Variants in HERC2 observed in about 807,000 individuals in gnomAD.
The protein encoded by HERC2 is HECT and RLD domain containing E3 ubiquitin protein ligase 2.
A neutral mutation model predicts 537.7 loss-of-function variants in HERC2; 102 were observed. The observed-to-expected ratio is 0.19, with a 90% CI of 0.16 to 0.22. The LOEUF (loss-of-function observed/expected upper bound fraction) is 0.22. Ranked by LOEUF, HERC2 falls within the 10% of genes least tolerant of loss-of-function variation. The probability of loss-of-function intolerance (pLI) is 1.00; values close to 1 mark genes in which losing one functional copy is unlikely to be tolerated. For synonymous variants in HERC2, 2,224 were observed against 2,466.2 expected (o/e 0.90, Z 2.91); for missense variants, 4,236 against 6,198.2 (o/e 0.68, Z 10.63).
intron 37 of HERC2, 64 bp downstream of exon 37, chr15:28,220,388 T>C: frequency 1.4e-6 from 2 of 1,430,840 alleles, no homozygotes; most frequent in Non-Finnish European, 2.0e-6. Context: ...ATGACAGTGG[T>C]GGCAGCCAGC....
chr15:28,319,526 A>T (rs1433469539), intron 2 of HERC2, among the ~76,000 whole-genome samples: 1 of 145,918 alleles, frequency 6.9e-6, no homozygotes, highest in African/African-American at 2.6e-5. Context: ...CGGAAGTTGC[A>T]GTGAGCCAAG....
At position 28,229,079 on chromosome 15, in the gene HERC2, C is replaced by A; in HGVS notation, c.5272+116G>T. The A allele has an allele frequency of 3.0e-6, 3 of 984,702 alleles. No homozygotes were observed. The South Asian group carries it at 4.0e-5, about 13-fold the overall frequency. 61.0% of individuals were successfully genotyped at this position (984,702 alleles called of 1,614,324 possible). A position where few individuals can be genotyped will look rare whatever the true frequency, so the allele number is the denominator to read the frequency against. On this transcript the variant is annotated intron_variant, in intron 34 of 92. Coordinates refer to ENST00000261609, the MANE Select transcript of HERC2 (RefSeq NM_004667.6). Reference sequence around the variant, plus strand: ...GACAGCAGCATAGATTATACAAGTACAAAGTACAAACTTTAATTAAAATCT... The same window carrying A: ...GACAGCAGCATAGATTATACAAGTAAAAAGTACAAACTTTAATTAAAATCT...
At chr15:28,319,737 T>C (rs1452377528) in intron 2 of HERC2, among the ~76,000 whole-genome samples, 1 of 151,968 alleles carries the variant, frequency 6.6e-6, no homozygotes, top group South Asian at 2.1e-4. Context: ...CAACCCATCA[T>C]AGGAACTCAA....
intron 83 of HERC2, among the ~76,000 whole-genome samples, chr15:28,129,502 G>A (rs1214355640): frequency 6.6e-6 from 1 of 152,254 alleles, no homozygotes; most frequent in Non-Finnish European, 1.5e-5. Context: ...CATGTCGCTT[G>A]TACAGACAGT....
chr15:28,135,344 G>T, intron 79 of HERC2, 134 bp downstream of exon 79: 1 of 711,162 alleles, frequency 1.4e-6, no homozygotes, highest in Non-Finnish European at 2.4e-6. Flanking sequence ...TGCCAAATGA[G>T]TCATTAACAT....
At chr15:28,205,035 G>A (rs1482528525) in intron 45 of HERC2, among the ~76,000 whole-genome samples, 2 of 152,010 alleles carry the variant, frequency 1.3e-5, no homozygotes, top group African/African-American at 2.4e-5. Context: ...TGGGGTGGGC[G>A]GGGTGTGCCA....
chr15:28,183,937 T>G (rs563610355), intron 56 of HERC2, among the ~76,000 whole-genome samples: 1 of 152,112 alleles, frequency 6.6e-6, no homozygotes, highest in Non-Finnish European at 1.5e-5. Flanking sequence ...CCTGTAATCC[T>G]AGCACTTTGG....
chr15:28,118,177 C>T (rs1888485700), intron 86 of HERC2: 1 of 162,196 alleles, frequency 6.2e-6, no homozygotes, highest in South Asian at 1.5e-4. Context: ...CTCGCGGCAG[C>T]TTGTTAAGGC....
chr15:28,317,008 C>T (rs2077105922), intron 2 of HERC2, among the ~76,000 whole-genome samples: 1 of 152,140 alleles, frequency 6.6e-6, no homozygotes, highest in African/African-American at 2.4e-5. Flanking sequence ...ATCTCCTGAC[C>T]TCAGCCTCCC....
At position 28,299,424 on chromosome 15, in the gene HERC2, G is replaced by T; in HGVS notation, c.165C>A (p.Asn55Lys). The T allele has an allele frequency of 6.3e-7, 1 of 1,585,692 alleles. No individual in the cohort carries two copies. Among genetic ancestry groups the T allele is most frequent in the Non-Finnish European group, 8.7e-7 (1 of 1,154,716 alleles). Reference sequence around the variant, plus strand: ...TACCTTTTCTAGGAGGGAGCTCTCCGTTCTGGGTTGATTCTGTTCCAGTGT... The same window carrying T: ...TACCTTTTCTAGGAGGGAGCTCTCCTTTCTGGGTTGATTCTGTTCCAGTGT... ...IVYTGTESTQ[N>K]GELPPRKDDS... Residue 55 changes from asparagine to lysine, a missense_variant, in exon 3 of 93, where the codon AAC (asparagine) becomes AAA (lysine). By Grantham distance (94) the Asn-to-Lys change is moderately conservative. Coordinates refer to ENST00000261609, the MANE Select transcript of HERC2 (RefSeq NM_004667.6).
At chr15:28,312,643 A>C (rs2076978905) in intron 2 of HERC2, 1 of 171,084 alleles carries the variant, frequency 5.8e-6, no homozygotes, top group African/African-American at 2.3e-5. Context: ...AAATAAAATA[A>C]AATAAAGAAA....
intron 3 of HERC2, among the ~76,000 whole-genome samples, chr15:28,296,516 T>C (rs1399160504): frequency 6.6e-6 from 1 of 152,056 alleles, no homozygotes; most frequent in Non-Finnish European, 1.5e-5. Flanking sequence ...ATGTAATGAA[T>C]AAAACATATA....
rs1891220497 is a variant in HERC2 at position 28,141,505 on chromosome 15, G to C, written c.11942C>G (p.Ala3981Gly). 3 of 1,614,022 alleles carry C rather than the reference G, an allele frequency of 1.9e-6. No individual in the cohort carries two copies. Among genetic ancestry groups the C allele is most frequent in the South Asian group, 1.1e-5 (1 of 91,088 alleles). The stretch of plus-strand genomic sequence containing the variant: ...CTGCACGGGTCTGAGAGTTGCAAGG[G>C]CTTCACAGGGAGTGGGAACTTTGAC... ...AKVKVPTPCE[A>G]LATLRPVQLI... The change falls in exon 78 of 93, where the codon GCC (alanine) becomes GGC (glycine). Residue 3981 changes from alanine (A) to glycine (G), a missense_variant. Ala to Gly is a moderately conservative substitution (Grantham distance 60). Transcript: ENST00000261609.
At chr15:28,320,428 T>C (rs1350861403) in intron 2 of HERC2, 4 of 152,196 alleles carry the variant, frequency 2.6e-5, no homozygotes, top group Admixed American at 2.6e-4. Context: ...AACACAGCTC[T>C]AAACACTGGA....
At chr15:28,152,301 ACG>A (rs1250747597) in intron 70 of HERC2, among the ~76,000 whole-genome samples, 1 of 152,224 alleles carries the variant, frequency 6.6e-6, no homozygotes, top group Non-Finnish European at 1.5e-5. Flanking sequence ...AAAGATATAC[ACG>A]TGGGTAACAG....
intron 56 of HERC2, among the ~76,000 whole-genome samples, chr15:28,185,424 T>C (rs938771138): frequency 1.3e-5 from 2 of 152,196 alleles, no homozygotes; most frequent in African/African-American, 4.8e-5. Flanking sequence ...TAACAACATA[T>C]CCATTTATTT....
Position 28,229,264 on chromosome 15 carries a change from G to C in HERC2, c.5203C>G (p.Leu1735Val), listed in dbSNP as rs201428003. 2.6e-5 allele frequency: 42 copies of C among 1,613,688 alleles called. No homozygotes were observed. Among genetic ancestry groups the C allele is most frequent in the South Asian group, 8.8e-5 (8 of 91,080 alleles). Residue 1735 changes from leucine (L) to valine (V), a missense_variant, in exon 34 of 93, where the codon CTG (leucine) becomes GTG (valine). Leu to Val is a conservative substitution (Grantham distance 32). This residue lies in a region of HERC2 where 343 missense variants were observed against 417.2 expected (regional missense o/e 0.82). Coordinates refer to ENST00000261609, the MANE Select transcript of HERC2 (RefSeq NM_004667.6). ...RMLLEVTFGK[L>V]YAWAVQNIRN... ...ATGTTCTGTACAGCCCAAGCGTACA[G>C]CTTGCCAAAGGTGACTTCCAGCAGC...
intron 3 of HERC2, among the ~76,000 whole-genome samples, chr15:28,297,863 C>G (rs1265321539): frequency 6.7e-6 from 1 of 148,636 alleles, no homozygotes. Flanking sequence ...CAAAGTTGAA[C>G]TAGAATCAAT....
At chr15:28,147,435 C>A (rs1001434346) in intron 70 of HERC2, among the ~76,000 whole-genome samples, 4 of 151,706 alleles carry the variant, frequency 2.6e-5, no homozygotes, top group Non-Finnish European at 4.4e-5. Flanking sequence ...TAAAGACAGG[C>A]CTGGACAACA....
Sources: allele counts gnomAD v4.1 joint callset (sites outside exome capture counted in the v4.1 genomes callset), GRCh38; gene constraint gnomAD v4.1.1; regional missense constraint gnomAD v4.1.1; transcripts MANE v1.5; gene names NCBI Gene and HGNC (gene_info 2026-07-23, HGNC 2026-07-21).